AGAP1: variants seen among roughly 807,000 people sequenced by gnomAD.
AGAP1 encodes the protein ArfGAP with GTPase domain, ankyrin repeat and PH domain 1.
A neutral mutation model predicts 105.3 loss-of-function variants in AGAP1; 29 were observed. That is an observed-to-expected ratio of 0.28 (90% CI 0.21 to 0.38). The LOEUF (loss-of-function observed/expected upper bound fraction) is 0.38, where lower values mean the gene tolerates loss of function less well. AGAP1 is among the 10% of genes least tolerant of loss of function. The pLI is 1.00. For missense variants in AGAP1, 998 were observed against 1,165.1 expected, an observed-to-expected ratio of 0.86 and a Z score of 2.09; for synonymous variants, 509 against 485.9, an observed-to-expected ratio of 1.05 and a Z score of -0.63.
In AGAP1 at chr2:235,717,571, C is replaced by G. The variant is rs1361866718; in HGVS notation, c.237C>G (p.Asn79Lys). Residue 79 changes from asparagine to lysine, a missense_variant, in exon 3 of 18, where the codon AAC becomes AAG. Asn to Lys is a moderately conservative substitution (Grantham distance 94). Coordinates refer to ENST00000304032, the MANE Select transcript of AGAP1 (RefSeq NM_001037131.3). ...TTCTGTTTCAGGGAATTGTGGGTAA[C>G]TTGGCCAGCGGCAAGTCTGCCCTGG... is the stretch of plus-strand genomic sequence containing the variant. ...VPELKVGIVG[N>K]LASGKSALVH... 21 of 1,598,128 alleles carry G rather than the reference C, an allele frequency of 1.3e-5. No homozygotes were observed. Among genetic ancestry groups the G allele is most frequent in the Non-Finnish European group, 1.8e-5 (21 of 1,175,988 alleles).
Position 235,732,998 on chromosome 2 carries a change from G to T in AGAP1, c.311-7965G>T, listed in dbSNP as rs1047660905. Among the ~76,000 whole-genome samples the T allele has an allele frequency of 8.5e-5, 13 of 152,192 alleles. No homozygotes were observed. Among genetic ancestry groups the T allele is most frequent in the African/African-American group, 2.4e-4 (10 of 41,456 alleles). On this transcript the variant is annotated intron_variant, in intron 3 of 17. Coordinates refer to ENST00000304032, the MANE Select transcript of AGAP1 (RefSeq NM_001037131.3). The surrounding 1 kb of genome is among the most constrained non-coding windows in gnomAD (Gnocchi z 4.8). Reference sequence around the variant, plus strand: ...CTGGATGCTGTTCTGGAGATCCCAGGATTTACTGAGCATCCATGCTCTGCC... The same window carrying T: ...CTGGATGCTGTTCTGGAGATCCCAGTATTTACTGAGCATCCATGCTCTGCC...
intron 16 of AGAP1, among the ~76,000 whole-genome samples, chr2:236,110,127 C>T (rs555769351): frequency 9.2e-5 from 14 of 152,332 alleles, no homozygotes; most frequent in Middle Eastern, 3.4e-3. Context: ...CACTGACCTT[C>T]TCCTCTAAGA....
intron 9 of AGAP1, among the ~76,000 whole-genome samples, chr2:235,814,723 C>T (rs1392795739): frequency 6.6e-6 from 1 of 152,122 alleles, no homozygotes; most frequent in East Asian, 1.9e-4. Flanking sequence ...TGGGGACAAT[C>T]CCACTGGACT....
intron 16 of AGAP1, among the ~76,000 whole-genome samples, chr2:236,069,036 A>G (rs888252314): frequency 2.0e-5 from 3 of 151,910 alleles, no homozygotes; most frequent in African/African-American, 7.3e-5. Flanking sequence ...CTGAGGCAGA[A>G]GAATCACTTG....
Position 235,734,280 on chromosome 2 carries a change from A to T in AGAP1, c.311-6683A>T, listed in dbSNP as rs1466436380. On this transcript the variant is annotated intron_variant, in intron 3 of 17. Transcript: ENST00000304032. This position sits in a 1 kb window ranked among gnomAD's most constrained non-coding sequence, Gnocchi z 5.3. ...GAAGAGAATCCCAAACGTGTGGCCG[A>T]AAGGGACCCAGGACCTGCCAGCCAT... Among the ~76,000 whole-genome samples, 3 of 152,204 alleles carry T rather than the reference A, an allele frequency of 2.0e-5. No homozygotes were observed. Among genetic ancestry groups the T allele is most frequent in the African/African-American group, 7.2e-5 (3 of 41,468 alleles).
chr2:236,018,910 A>G (rs1489670345), intron 13 of AGAP1, among the ~76,000 whole-genome samples: 1 of 152,218 alleles, frequency 6.6e-6, no homozygotes, highest in Non-Finnish European at 1.5e-5. Flanking sequence ...GATTCCAAGC[A>G]TAGGCATTGC....
chr2:235,938,103 G>A (rs191185267), intron 12 of AGAP1, among the ~76,000 whole-genome samples: 10 of 152,376 alleles, frequency 6.6e-5, no homozygotes, highest in Admixed American at 4.6e-4. Flanking sequence ...CGGCACGGCC[G>A]GTTCAGCGGC....
chr2:235,932,524 G>A (rs1330878308), intron 12 of AGAP1, among the ~76,000 whole-genome samples: 2 of 152,212 alleles, frequency 1.3e-5, no homozygotes, highest in East Asian at 3.9e-4. Flanking sequence ...ATAGGGCCAC[G>A]TTTGAGGGCG....
chr2:235,945,014 CAATT>C (rs1299843656), intron 12 of AGAP1, among the ~76,000 whole-genome samples: 4 of 152,216 alleles, frequency 2.6e-5, no homozygotes, highest in Non-Finnish European at 5.9e-5. Flanking sequence ...AAGTTCCTGA[CAATT>C]AATTTTTTAA....
At chr2:235,746,525 A>G (rs1167814108) in intron 5 of AGAP1, among the ~76,000 whole-genome samples, 1 of 151,376 alleles carries the variant, frequency 6.6e-6, no homozygotes, top group Non-Finnish European at 1.5e-5. Flanking sequence ...AGTGTTCACC[A>G]GGAGACAAGG....
rs575061148 is a variant in AGAP1 at position 235,979,866 on chromosome 2, C to T, written c.1645+11243C>T. 1.2e-4 allele frequency among the ~76,000 whole-genome samples: 18 copies of T among 152,300 alleles called. No individual in the cohort carries two copies. Among genetic ancestry groups the T allele is most frequent in the Non-Finnish European group, 2.2e-4 (15 of 68,024 alleles). On this transcript the variant is annotated intron_variant, in intron 13 of 17. Transcript: ENST00000304032. This position sits in a 1 kb window ranked among gnomAD's most constrained non-coding sequence, Gnocchi z 4.5. ...TTTTAGTTTTCTCTTAAGCTGATTT[C>T]GCTCTGCTTTTTCTTAAAAGTGCCT... is the stretch of plus-strand genomic sequence containing the variant.
Position 235,953,077 on chromosome 2 carries a change from A to T in AGAP1, c.1484-15385A>T, listed in dbSNP as rs2053806704. On this transcript the variant is annotated intron_variant, in intron 12 of 17. Coordinates refer to ENST00000304032, the MANE Select transcript of AGAP1 (RefSeq NM_001037131.3). The surrounding 1 kb of genome is among the most constrained non-coding windows in gnomAD (Gnocchi z 5.2). Reference sequence around the variant, plus strand: ...GCTATCACCATCCTCGCTGACTGGGACATGCCACCCACCTCCAATAAAGGC... The same window carrying T: ...GCTATCACCATCCTCGCTGACTGGGTCATGCCACCCACCTCCAATAAAGGC... Among the ~76,000 whole-genome samples the T allele has an allele frequency of 6.6e-6, 1 of 152,204 alleles. No individual in the cohort carries two copies. Among genetic ancestry groups the T allele is most frequent in the Non-Finnish European group, 1.5e-5 (1 of 68,042 alleles).
At chr2:235,502,374 T>C (rs1210154479) in intron 1 of AGAP1, among the ~76,000 whole-genome samples, 2 of 152,184 alleles carry the variant, frequency 1.3e-5, no homozygotes, top group Non-Finnish European at 2.9e-5. Flanking sequence ...AGACTAAATA[T>C]AGGCTCGAGG....
intron 1 of AGAP1, among the ~76,000 whole-genome samples, chr2:235,595,908 C>T (rs1945511276): frequency 6.6e-6 from 1 of 152,210 alleles, no homozygotes; most frequent in South Asian, 2.1e-4. Flanking sequence ...GCTTCTTAAA[C>T]TATGATGGAG....
chr2:235,671,036 A>G, intron 1 of AGAP1: 5 of 1,291,432 alleles, frequency 3.9e-6, no homozygotes, highest in East Asian at 6.2e-5. Flanking sequence ...CGCCGAGAGC[A>G]TCGACGGCTC....
At chr2:235,863,786 G>A (rs1172439362) in intron 9 of AGAP1, among the ~76,000 whole-genome samples, 2 of 152,242 alleles carry the variant, frequency 1.3e-5, no homozygotes, top group Non-Finnish European at 2.9e-5. Flanking sequence ...GGGACACCAG[G>A]TAGTGATGTC....
At chr2:235,746,115 G>C (rs1952909236) in intron 5 of AGAP1, among the ~76,000 whole-genome samples, 1 of 151,952 alleles carries the variant, frequency 6.6e-6, no homozygotes, top group Admixed American at 6.6e-5. Flanking sequence ...GACAGAGTGA[G>C]ATTCTGTCTC....
Position 236,056,037 on chromosome 2 carries a change from A to G in AGAP1, c.2114+6756A>G, listed in dbSNP as rs1433192676. On this transcript the variant is annotated intron_variant, in intron 16 of 17. Transcript: ENST00000304032. This position sits in a 1 kb window ranked among gnomAD's most constrained non-coding sequence, Gnocchi z 4.6. ...ACCTACAGATTACAGTTGACAACAGATAGAGCAATGCATCTAGTGAACCTC... is the reference window on the plus strand; with the variant it reads ...ACCTACAGATTACAGTTGACAACAGGTAGAGCAATGCATCTAGTGAACCTC... 6.6e-6 allele frequency among the ~76,000 whole-genome samples: 1 copy of G among 152,246 alleles called. No homozygotes were observed. Among genetic ancestry groups the G allele is most frequent in the African/African-American group, 2.4e-5 (1 of 41,468 alleles).
chr2:235,899,035 C>T (rs998075904), intron 10 of AGAP1, among the ~76,000 whole-genome samples: 1 of 152,080 alleles, frequency 6.6e-6, no homozygotes, highest in African/African-American at 2.4e-5. Flanking sequence ...GGGAAAAATA[C>T]GTATAGAAGA....
Sources: allele counts gnomAD v4.1 joint callset (sites outside exome capture counted in the v4.1 genomes callset), GRCh38; gene constraint gnomAD v4.1.1; non-coding constraint Gnocchi (gnomAD v3.1); transcripts MANE v1.5; gene names NCBI Gene and HGNC (gene_info 2026-07-23, HGNC 2026-07-21).